The following ELF2 variants were observed in gnomAD, a reference collection of about 807,000 sequenced individuals.
ELF2 encodes the protein ETS-related transcription factor Elf-2.
ELF2 carries 11 observed loss-of-function variants against 54.8 expected under a neutral mutation model. That is an observed-to-expected ratio of 0.20 (90% CI 0.13 to 0.33). The LOEUF (loss-of-function observed/expected upper bound fraction) is 0.33, where lower values mean the gene tolerates loss of function less well. ELF2 is among the 10% of genes least tolerant of loss of function. The probability of loss-of-function intolerance (pLI) is 1.00; values close to 1 mark genes in which losing one functional copy is unlikely to be tolerated. For missense variants in ELF2, 513 were observed against 703.0 expected, an observed-to-expected ratio of 0.73 and a Z score of 3.06; for synonymous variants, 203 against 245.1, an observed-to-expected ratio of 0.83 and a Z score of 1.61.
chr4:139,093,771 C>A (rs1301422725), intron 4 of ELF2, among the ~76,000 whole-genome samples: 1 of 151,986 alleles, frequency 6.6e-6, no homozygotes, highest in African/African-American at 2.4e-5. Context: ...AAGCCTATAA[C>A]AATTTCAAGT....
chr4:139,088,717 C>A lies in ELF2; in HGVS notation c.239-15150G>T, dbSNP rs142728093. On this transcript the variant is annotated intron_variant, in intron 4 of 9. Coordinates refer to ENST00000686138, the MANE Select transcript of ELF2 (RefSeq NM_001331036.3). ...TCTCTCCAGAATGGTATTATCCCCC[C>A]ACTAGGGGGATAAAAGTCCCCCACC... 8.5e-5 allele frequency among the ~76,000 whole-genome samples: 13 copies of A among 152,224 alleles called. No individual in the cohort carries two copies. In the South Asian group the frequency reaches 1.5e-3, roughly 17 times the overall value.
intron 1 of ELF2, among the ~76,000 whole-genome samples, chr4:139,154,841 C>T (rs1740365367): frequency 3.9e-5 from 6 of 152,168 alleles, no homozygotes; most frequent in Admixed American, 3.3e-4. Flanking sequence ...CCTCTACTCC[C>T]CTCTCACAGG....
chr4:139,107,224 G>GA (rs908361080), intron 4 of ELF2, among the ~76,000 whole-genome samples: 6 of 151,942 alleles, frequency 3.9e-5, no homozygotes, highest in Admixed American at 2.6e-4. Context: ...TTTAAAAAAG[G>GA]AAAAAAACAA....
chr4:139,163,072 G>T (rs935348156), intron 1 of ELF2, among the ~76,000 whole-genome samples: 4 of 151,936 alleles, frequency 2.6e-5, no homozygotes, highest in Non-Finnish European at 5.9e-5. Flanking sequence ...CTCTAGGCTG[G>T]GCAACAGTGA....
At chr4:139,120,479 G>A (rs1255143342) in intron 4 of ELF2, among the ~76,000 whole-genome samples, 2 of 151,984 alleles carry the variant, frequency 1.3e-5, no homozygotes, top group East Asian at 3.9e-4. Context: ...TCTGTCACTC[G>A]GGCTGGAGCG....
chr4:139,066,069 C>CT lies in ELF2; in HGVS notation c.613+1614dup, dbSNP rs566003803. 248 of 120,188 alleles carry CT rather than the reference C, an allele frequency of 2.1e-3. 2 individuals are homozygous for CT. The highest frequency in any genetic ancestry group is 7.4e-3 in the African/African-American group (237 of 32,022). 7.4% of individuals were successfully genotyped at this position (120,188 alleles called of 1,614,324 possible). ...AATACCAAATTTCTTGGTAGGCTTA[C>CT]TGGAGACAATTTTTTTTAAACTAGA... On this transcript the variant is annotated intron_variant, in intron 7 of 9. Transcript: ENST00000686138.
Position 139,075,589 on chromosome 4 carries a change from C to T in ELF2, c.239-2022G>A, listed in dbSNP as rs546681852. Among the ~76,000 whole-genome samples the T allele has an allele frequency of 5.3e-4, 80 of 152,266 alleles. 1 individual carries two copies. Among genetic ancestry groups the T allele is most frequent in the Admixed American group, 2.0e-4 (3 of 15,292 alleles). Reference sequence around the variant, plus strand: ...GGATTACAGGCACATGCCACCATACCGGATTAATTTTTGTATTTTAGTAGA... The same window carrying T: ...GGATTACAGGCACATGCCACCATACTGGATTAATTTTTGTATTTTAGTAGA... On this transcript the variant is annotated intron_variant, in intron 4 of 9. Coordinates refer to ENST00000686138, the MANE Select transcript of ELF2 (RefSeq NM_001331036.3).
intron 4 of ELF2, among the ~76,000 whole-genome samples, chr4:139,096,229 G>A (rs2148773318): frequency 6.6e-6 from 1 of 152,258 alleles, no homozygotes; most frequent in Admixed American, 6.5e-5. Context: ...CATAAAATGA[G>A]TTGGAAAGCT....
chr4:139,086,090 A>G (rs1387401214), intron 4 of ELF2, among the ~76,000 whole-genome samples: 1 of 152,236 alleles, frequency 6.6e-6, no homozygotes, highest in Non-Finnish European at 1.5e-5. Context: ...CTACTATTAT[A>G]TTTATAGTAT....
At chr4:139,176,336 C>A (rs1454873394) in intron 1 of ELF2, among the ~76,000 whole-genome samples, 1 of 152,186 alleles carries the variant, frequency 6.6e-6, no homozygotes, top group African/African-American at 2.4e-5. Flanking sequence ...GCTAGCAGCG[C>A]CGGGAAGGAA....
chr4:139,070,536 C>T (rs1004685696), intron 6 of ELF2, among the ~76,000 whole-genome samples: 3 of 152,112 alleles, frequency 2.0e-5, no homozygotes, highest in Non-Finnish European at 4.4e-5. Context: ...AGTGATCCAC[C>T]CACCTCAGAC....
chr4:139,091,833 T>G (rs189453959), intron 4 of ELF2, among the ~76,000 whole-genome samples: 1 of 151,572 alleles, frequency 6.6e-6, no homozygotes, highest in East Asian at 1.9e-4. Context: ...GAAGATGACA[T>G]TGAAAAGATT....
At chr4:139,154,279 T>C (rs1740310254) in intron 1 of ELF2, among the ~76,000 whole-genome samples, 1 of 152,160 alleles carries the variant, frequency 6.6e-6, no homozygotes, top group Non-Finnish European at 1.5e-5. Context: ...TTACTTAATC[T>C]CCTTTAACTT....
chr4:139,110,018 ATAAT>A (rs1734799918), intron 4 of ELF2, among the ~76,000 whole-genome samples: 1 of 152,214 alleles, frequency 6.6e-6, no homozygotes, highest in Non-Finnish European at 1.5e-5. Context: ...TTTTTGTGTT[ATAAT>A]TAATATTGTA....
chr4:139,172,452 T>C lies in ELF2; in HGVS notation c.-252+4515A>G, dbSNP rs569793547. Among the ~76,000 whole-genome samples the C allele has an allele frequency of 2.2e-4, 33 of 152,324 alleles. No homozygotes were observed. The South Asian group carries it at 4.4e-3, about 20-fold the overall frequency. The stretch of plus-strand genomic sequence containing the variant: ...CTTTATCCACCATATTCACGCTGTC[T>C]ACACTACCTGCTCATTAGTCACTTA... On this transcript the variant is annotated intron_variant, in intron 1 of 9. Transcript: ENST00000686138.
chr4:139,160,384 GAAT>G (rs919005494), intron 1 of ELF2, among the ~76,000 whole-genome samples: 5 of 152,104 alleles, frequency 3.3e-5, no homozygotes, highest in South Asian at 2.1e-4. Context: ...TGTAAAAAGT[GAAT>G]AATAATAATA....
Position 139,083,900 on chromosome 4 carries a change from C to T in ELF2, c.239-10333G>A, listed in dbSNP as rs150657188. 4.7e-3 allele frequency among the ~76,000 whole-genome samples: 719 copies of T among 152,344 alleles called. 5 individuals carry two copies. Among genetic ancestry groups the T allele is most frequent in the Non-Finnish European group, 5.9e-3 (402 of 68,032 alleles). ...CAGCTGCTGCTGCTGCTCGCCGAAC[C>T]CACCCTGAAGCGACAGCGCCGGATT... On this transcript the variant is annotated intron_variant, in intron 4 of 9. Coordinates refer to ENST00000686138, the MANE Select transcript of ELF2 (RefSeq NM_001331036.3).
intron 1 of ELF2, among the ~76,000 whole-genome samples, chr4:139,166,312 A>T (rs1234470584): frequency 6.6e-6 from 1 of 152,144 alleles, no homozygotes; most frequent in East Asian, 1.9e-4. Flanking sequence ...ACTTGAACCC[A>T]GGAAGTGGAG....
At chr4:139,161,857 G>A (rs1741196470) in intron 1 of ELF2, among the ~76,000 whole-genome samples, 1 of 152,014 alleles carries the variant, frequency 6.6e-6, no homozygotes, top group South Asian at 2.1e-4. Context: ...CACTTTGGGA[G>A]GCCAAGACGG....
Sources: allele counts gnomAD v4.1 joint callset (sites outside exome capture counted in the v4.1 genomes callset), GRCh38; gene constraint gnomAD v4.1.1; transcripts MANE v1.5; gene names NCBI Gene and HGNC (gene_info 2026-07-23, HGNC 2026-07-21).